Variants in EPB41L4A observed in about 807,000 individuals in gnomAD.
EPB41L4A encodes band 4.1-like protein 4A.
Under a neutral mutation model 108.6 loss-of-function variants are expected in EPB41L4A, and 100 were observed. The observed-to-expected ratio is 0.92, with a 90% confidence interval of 0.78 to 1.09. The LOEUF (loss-of-function observed/expected upper bound fraction) is 1.09, where lower values mean the gene tolerates loss of function less well. Among genes scored for constraint, EPB41L4A ranks in the 50% least tolerant of loss-of-function variants. The pLI, the probability that EPB41L4A is intolerant of heterozygous loss-of-function variation, is 0.00. For missense variants in EPB41L4A, 1,030 were observed against 842.7 expected (o/e 1.22, Z -2.75); for synonymous variants, 319 against 289.0 (o/e 1.10, Z -1.05).
At chr5:112,392,255 C>T (rs1760998741) in intron 1 of EPB41L4A, among the ~76,000 whole-genome samples, 1 of 151,862 alleles carries the variant, frequency 6.6e-6, no homozygotes, top group South Asian at 2.1e-4. Context: ...GAGCAAAATG[C>T]CCCAATTAAA....
intron 1 of EPB41L4A, among the ~76,000 whole-genome samples, chr5:112,348,045 G>A (rs1375634978): frequency 6.6e-6 from 1 of 152,188 alleles, no homozygotes; most frequent in African/African-American, 2.4e-5. Flanking sequence ...CTCAGTCTAT[G>A]TTTATCTCCA....
chr5:112,406,453 A>G (rs533648330), intron 1 of EPB41L4A, among the ~76,000 whole-genome samples: 12 of 152,310 alleles, frequency 7.9e-5, no homozygotes, highest in African/African-American at 2.2e-4. Flanking sequence ...ATGCAGTGCA[A>G]TAAGTATCAT....
intron 12 of EPB41L4A, among the ~76,000 whole-genome samples, chr5:112,156,262 A>T (rs73787781): frequency 0.28 from 42,179 of 152,050 alleles, 7,351 homozygotes; most frequent in African/African-American, 0.5. Flanking sequence ...CATAAAAATG[A>T]CACACACACC....
intron 19 of EPB41L4A, 54 bp from the exon 20 acceptor site, chr5:112,170,423 T>TA: frequency 8.7e-7 from 1 of 1,153,384 alleles, no homozygotes; most frequent in South Asian, 1.3e-5. Flanking sequence ...TAAATGCTAG[T>TA]ATCTTTCACA....
At chr5:112,240,430 T>G (rs919861479) in intron 10 of EPB41L4A, among the ~76,000 whole-genome samples, 4 of 152,230 alleles carry the variant, frequency 2.6e-5, no homozygotes, top group Non-Finnish European at 5.9e-5. Context: ...ACATAGGTGC[T>G]AGCAATGGCT....
intron 2 of EPB41L4A, among the ~76,000 whole-genome samples, chr5:112,301,856 G>A (rs539257230): frequency 3.7e-4 from 56 of 152,004 alleles, no homozygotes; most frequent in African/African-American, 1.3e-3. Flanking sequence ...AACATCTTAG[G>A]AAATAAACTT....
chr5:112,359,659 G>T (rs966447717), intron 1 of EPB41L4A, among the ~76,000 whole-genome samples: 1 of 151,880 alleles, frequency 6.6e-6, no homozygotes, highest in African/African-American at 2.4e-5. Flanking sequence ...TCCTGCCTCA[G>T]CCTCCCGAGT....
At chr5:112,418,394 T>C (rs1294571196) in intron 1 of EPB41L4A, among the ~76,000 whole-genome samples, 1 of 152,210 alleles carries the variant, frequency 6.6e-6, no homozygotes, top group African/African-American at 2.4e-5. Context: ...TTTACTTAAA[T>C]GTGAGGATAA....
chr5:112,288,269 G>T (rs1316024743), intron 2 of EPB41L4A, among the ~76,000 whole-genome samples: 2 of 152,154 alleles, frequency 1.3e-5, no homozygotes, highest in Admixed American at 1.3e-4. Flanking sequence ...TGTGGGTGCT[G>T]CCTTTGTCTA....
At chr5:112,392,170 T>C (rs1348948242) in intron 1 of EPB41L4A, among the ~76,000 whole-genome samples, 1 of 151,982 alleles carries the variant, frequency 6.6e-6, no homozygotes, top group East Asian at 1.9e-4. Flanking sequence ...CATCGACTAA[T>C]GGGAAAACTA....
At chr5:112,184,207 CT>C in intron 17 of EPB41L4A, 72 bp from the exon 18 acceptor site, 2 of 1,552,592 alleles carry the variant, frequency 1.3e-6, no homozygotes, top group Non-Finnish European at 1.7e-6. Context: ...CCTAAACTTG[CT>C]TTTAAATGTT....
intron 22 of EPB41L4A, among the ~76,000 whole-genome samples, chr5:112,166,950 G>C: frequency 6.6e-6 from 1 of 152,314 alleles, no homozygotes; most frequent in East Asian, 1.9e-4. Flanking sequence ...TCAAAATCAA[G>C]AGTGTCCTGG....
chr5:112,151,782 G>T (rs995963029), intron 12 of EPB41L4A, among the ~76,000 whole-genome samples: 1 of 151,562 alleles, frequency 6.6e-6, no homozygotes, highest in Middle Eastern at 3.2e-3. Context: ...TCAAACTGGA[G>T]TGCAATGGCA....
At chr5:112,257,593 G>T (rs1180556864) in intron 9 of EPB41L4A, among the ~76,000 whole-genome samples, 1 of 152,094 alleles carries the variant, frequency 6.6e-6, no homozygotes, top group Non-Finnish European at 1.5e-5. Context: ...AGCTTAGCTG[G>T]GACTTTGCCA....
intron 18 of EPB41L4A, among the ~76,000 whole-genome samples, chr5:112,181,235 A>G (rs1761132752): frequency 6.6e-6 from 1 of 151,158 alleles, no homozygotes; most frequent in South Asian, 2.1e-4. Flanking sequence ...GCGGATCACG[A>G]GGTCAGGAGA....
At chr5:112,172,109 G>T (rs528408743) in intron 18 of EPB41L4A, among the ~76,000 whole-genome samples, 1 of 152,130 alleles carries the variant, frequency 6.6e-6, no homozygotes, top group South Asian at 2.1e-4. Flanking sequence ...TGTCTATAAA[G>T]ACCTTTTAAT....
intron 1 of EPB41L4A, among the ~76,000 whole-genome samples, chr5:112,408,982 G>T (rs1279836102): frequency 3.3e-5 from 5 of 151,930 alleles, no homozygotes; most frequent in African/African-American, 1.2e-4. Context: ...AGTAATTAAA[G>T]CATTATTAAA....
At position 112,269,565 on chromosome 5, in the gene EPB41L4A, C is replaced by T. The variant is rs1238405625; in HGVS notation, c.336-3235G>A. ...AAAGCTATGATGGAATGCTTGAGTC[C>T]TCATTTATCTCTGGTTTTAATTAGG... is the stretch of plus-strand genomic sequence containing the variant. On this transcript the variant is annotated intron_variant, in intron 4 of 22. Coordinates refer to ENST00000261486, the MANE Select transcript of EPB41L4A (RefSeq NM_022140.5). 3.3e-5 allele frequency among the ~76,000 whole-genome samples: 5 copies of T among 152,144 alleles called. No homozygotes were observed. In the East Asian group the frequency reaches 7.7e-4, roughly 23 times the overall value.
chr5:112,185,103 T>C (rs1194779768), intron 17 of EPB41L4A, among the ~76,000 whole-genome samples: 1 of 152,092 alleles, frequency 6.6e-6, no homozygotes, highest in Non-Finnish European at 1.5e-5. Flanking sequence ...TTTTTTTTTT[T>C]TTTTGGCAAA....
Sources: allele counts gnomAD v4.1 joint callset (sites outside exome capture counted in the v4.1 genomes callset), GRCh38; gene constraint gnomAD v4.1.1; transcripts MANE v1.5; gene names NCBI Gene and HGNC (gene_info 2026-07-23, HGNC 2026-07-21).